Variants in FAM135B observed in about 807,000 individuals in gnomAD.
FAM135B encodes the protein family with sequence similarity 135 member B.
FAM135B carries 43 observed loss-of-function variants against 127.7 expected under a neutral mutation model. That is an observed-to-expected ratio of 0.34 (90% CI 0.26 to 0.43). The LOEUF (loss-of-function observed/expected upper bound fraction) is 0.43, where lower values mean the gene tolerates loss of function less well. FAM135B is among the 20% of genes least tolerant of loss of function. The pLI is 1.00. For synonymous variants in FAM135B, 670 were observed against 665.1 expected, an observed-to-expected ratio of 1.01 and a Z score of -0.11; for missense variants, 1,558 against 1,725.6, an observed-to-expected ratio of 0.90 and a Z score of 1.72.
In FAM135B at chr8:138,141,497, C is replaced by A. The variant is rs1005258673; in HGVS notation, c.3639-148G>T. 56 of 786,448 alleles carry A rather than the reference C, an allele frequency of 7.1e-5. No individual in the cohort carries two copies. The highest frequency in any genetic ancestry group is 1.1e-4 in the Non-Finnish European group (52 of 479,626). The allele number at this position is 786,448 out of a possible 1,614,324, so 48.7% of individuals were successfully genotyped here. ...AAGAGAACAGGGACTGCCAACTCAACCTCATCAGGTTTCAAAACACTGGCC... is the reference window on the plus strand; with the variant it reads ...AAGAGAACAGGGACTGCCAACTCAAACTCATCAGGTTTCAAAACACTGGCC... On this transcript the variant is annotated intron_variant, in intron 16 of 19. Transcript: ENST00000395297. This position sits in a 1 kb window ranked among gnomAD's most constrained non-coding sequence, Gnocchi z 4.7.
intron 12 of FAM135B, among the ~76,000 whole-genome samples, chr8:138,156,210 G>A (rs905320372): frequency 6.6e-6 from 1 of 152,190 alleles, no homozygotes; most frequent in African/African-American, 2.4e-5. Flanking sequence ...GGTTCATAAT[G>A]AAATGAAGGC....
At chr8:138,394,278 G>A (rs1474237053) in intron 1 of FAM135B, among the ~76,000 whole-genome samples, 1 of 152,198 alleles carries the variant, frequency 6.6e-6, no homozygotes, top group Non-Finnish European at 1.5e-5. Context: ...CCTGAGCTGA[G>A]GCTGGATAAT....
At position 138,425,964 on chromosome 8, in the gene FAM135B, C is replaced by CATATATAT. The variant is rs11271386; in HGVS notation, c.-19-57970_-19-57963dup. Among the ~76,000 whole-genome samples the CATATATAT allele has an allele frequency of 4.4e-3, 480 of 109,774 alleles. 3 individuals carry two copies. Among genetic ancestry groups the CATATATAT allele is most frequent in the South Asian group, 8.6e-3 (18 of 2,094 alleles). 72.0% of individuals were successfully genotyped at this position (109,774 alleles called of 152,430 possible). A position where few individuals can be genotyped will look rare whatever the true frequency, so the allele number is the denominator to read the frequency against. On this transcript the variant is annotated intron_variant, in intron 1 of 19. Coordinates refer to ENST00000395297, the MANE Select transcript of FAM135B (RefSeq NM_015912.4). Reference sequence around the variant, plus strand: ...AGGAGTTCGAGACCAGCCAGGCCAACATATATATATATATATATATATATA... The same window carrying CATATATAT: ...AGGAGTTCGAGACCAGCCAGGCCAACATATATATATATATATATATATATATATATATA...
At chr8:138,147,460 T>C (rs758378346) in intron 14 of FAM135B, among the ~76,000 whole-genome samples, 34 of 152,290 alleles carry the variant, frequency 2.2e-4, no homozygotes, top group Non-Finnish European at 4.0e-4. Flanking sequence ...AGAATACGAA[T>C]CTTGAGGTTT....
rs985703919 is a variant in FAM135B, at chr8:138,242,479, A to G, written c.669+463T>C. On this transcript the variant is annotated intron_variant, in intron 7 of 19. Transcript: ENST00000395297. This position sits in a 1 kb window ranked among gnomAD's most constrained non-coding sequence, Gnocchi z 9.6. ...TTGGATACCGGGCTAGGAACTTTACATTTATTACAACATTTGGGTACATAT... is the reference window on the plus strand; with the variant it reads ...TTGGATACCGGGCTAGGAACTTTACGTTTATTACAACATTTGGGTACATAT... 6.6e-6 allele frequency among the ~76,000 whole-genome samples: 1 copy of G among 152,076 alleles called. No individual in the cohort carries two copies. The highest frequency in any genetic ancestry group is 6.6e-5 in the Admixed American group (1 of 15,254).
intron 2 of FAM135B, among the ~76,000 whole-genome samples, chr8:138,321,932 C>T (rs1827479382): frequency 6.6e-6 from 1 of 152,134 alleles, no homozygotes; most frequent in African/African-American, 2.4e-5. Flanking sequence ...GAGAGCTGCA[C>T]ATGCTGTGAC....
intron 1 of FAM135B, among the ~76,000 whole-genome samples, chr8:138,419,416 T>G (rs886605287): frequency 6.6e-6 from 1 of 152,154 alleles, no homozygotes; most frequent in African/African-American, 2.4e-5. Context: ...ATAGGAATCT[T>G]TAACCCCCTA....
At chr8:138,282,775 T>A (rs1474222264) in intron 3 of FAM135B, among the ~76,000 whole-genome samples, 1 of 152,116 alleles carries the variant, frequency 6.6e-6, no homozygotes, top group Non-Finnish European at 1.5e-5. Context: ...CGTTTGGTGG[T>A]TTCTTACAAA....
At chr8:138,154,623 T>C (rs1563699434) in intron 12 of FAM135B, among the ~76,000 whole-genome samples, 2 of 151,978 alleles carry the variant, frequency 1.3e-5, no homozygotes, top group African/African-American at 4.8e-5. Context: ...CTGAAAACCA[T>C]GGCATGAGAA....
At chr8:138,273,045 G>GT (rs1233197889) in intron 3 of FAM135B, among the ~76,000 whole-genome samples, 2 of 152,174 alleles carry the variant, frequency 1.3e-5, no homozygotes, top group Non-Finnish European at 2.9e-5. Flanking sequence ...GGTACAAGAT[G>GT]TAACATATAA....
At chr8:138,283,047 C>A (rs13265294) in intron 3 of FAM135B, among the ~76,000 whole-genome samples, 1 of 151,956 alleles carries the variant, frequency 6.6e-6, no homozygotes, top group Non-Finnish European at 1.5e-5. Context: ...ATTACAGGCA[C>A]GTGCCACCAT....
chr8:138,445,180 A>G (rs1836053851), intron 1 of FAM135B, among the ~76,000 whole-genome samples: 1 of 152,176 alleles, frequency 6.6e-6, no homozygotes, highest in African/African-American at 2.4e-5. Context: ...CAACCAAAAA[A>G]AGTCCAGGAC....
chr8:138,237,703 A>G lies in FAM135B; in HGVS notation c.669+5239T>C, dbSNP rs556352172. Reference sequence around the variant, plus strand: ...GTCAGTTGAAGACCTTTCAGTAGAAAAAGACTGACTTTCCCCAAAGAAAAA... The same window carrying G: ...GTCAGTTGAAGACCTTTCAGTAGAAGAAGACTGACTTTCCCCAAAGAAAAA... On this transcript the variant is annotated intron_variant, in intron 7 of 19. Transcript: ENST00000395297. 4.6e-4 allele frequency among the ~76,000 whole-genome samples: 70 copies of G among 152,290 alleles called. 1 individual carries two copies. The highest frequency in any genetic ancestry group is 1.7e-3 in the African/African-American group (70 of 41,558).
At chr8:138,147,888 A>G (rs1277340296) in intron 14 of FAM135B, among the ~76,000 whole-genome samples, 1 of 152,222 alleles carries the variant, frequency 6.6e-6, no homozygotes, top group Non-Finnish European at 1.5e-5. Flanking sequence ...CAGACTGGTC[A>G]TGCATGACAT....
intron 1 of FAM135B, chr8:138,425,400 G>A (rs978138935): frequency 6.6e-6 from 1 of 152,188 alleles, no homozygotes; most frequent in South Asian, 2.1e-4. Flanking sequence ...TGTAGTTGGT[G>A]AAAAGGTAAA....
At chr8:138,339,875 A>T (rs1033911638) in intron 2 of FAM135B, among the ~76,000 whole-genome samples, 1 of 152,088 alleles carries the variant, frequency 6.6e-6, no homozygotes, top group African/African-American at 2.4e-5. Flanking sequence ...CAGGATGGAG[A>T]GGAAGAGCTG....
At chr8:138,354,704 G>A (rs1018237977) in intron 2 of FAM135B, among the ~76,000 whole-genome samples, 6 of 152,130 alleles carry the variant, frequency 3.9e-5, no homozygotes, top group Non-Finnish European at 5.9e-5. Flanking sequence ...TCTCCTAAAT[G>A]AGCAAATTGA....
chr8:138,252,225 G>A (rs1821750444), intron 5 of FAM135B, among the ~76,000 whole-genome samples: 1 of 152,104 alleles, frequency 6.6e-6, no homozygotes, highest in African/African-American at 2.4e-5. Flanking sequence ...ACTGAACATG[G>A]TACTTTCCCC....
chr8:138,491,882 T>C lies in FAM135B; in HGVS notation c.-20+4789A>G, dbSNP rs534597821. Among the ~76,000 whole-genome samples the C allele has an allele frequency of 2.5e-3, 388 of 152,270 alleles. No individual in the cohort carries two copies. In the Middle Eastern group the frequency reaches 0.031, roughly 12 times the overall value. On this transcript the variant is annotated intron_variant, in intron 1 of 19. Coordinates refer to ENST00000395297, the MANE Select transcript of FAM135B (RefSeq NM_015912.4). The stretch of plus-strand genomic sequence containing the variant: ...AATGTCCCAGGAGGAGGGAGTAGCA[T>C]GTGCTGCTGAAGATCAGCCAGGAGG...
Sources: gnomAD v4.1 joint callset for allele counts (sites outside exome capture counted in the v4.1 genomes callset) on GRCh38, gnomAD v4.1.1 for gene constraint, Gnocchi (gnomAD v3.1) non-coding constraint, MANE v1.5 for transcripts, NCBI Gene and HGNC (gene_info 2026-07-23, HGNC 2026-07-21) for gene names.